Variants in F12 observed in about 807,000 individuals in gnomAD.
F12 encodes Hageman factor.
In F12, 70 loss-of-function variants were observed where a neutral mutation model predicts 74.8. The ratio of observed to expected loss-of-function variants is 0.94; its 90% CI spans 0.77 to 1.14. F12 has a LOEUF of 1.14. Ranked by LOEUF, F12 falls within the 50% of genes most tolerant of loss-of-function variation. The pLI is 0.00. For synonymous variants in F12, 373 were observed against 356.4 expected, an observed-to-expected ratio of 1.05 and a Z score of -0.52; for missense variants, 811 against 835.7, an observed-to-expected ratio of 0.97 and a Z score of 0.36.
rs1209557431 is a variant in F12 at position 177,404,495 on chromosome 5, G to A, written c.800+4C>T. 6.3e-7 allele frequency: 1 copy of A among 1,590,238 alleles called. No individual in the cohort carries two copies. The highest frequency in any genetic ancestry group is 1.8e-5 in the Admixed American group (1 of 56,352). On this transcript the variant is annotated splice_donor_region_variant and intron_variant, in intron 8 of 13. Coordinates refer to ENST00000253496, the MANE Select transcript of F12 (RefSeq NM_000505.4). The stretch of plus-strand genomic sequence containing the variant: ...GAGGGGTCACCCAGCCCCACGCGGC[G>A]CACCGGCAGAAGGCGTGGCCGCCCA...
In F12 at chr5:177,404,675, A is replaced by T. The variant is rs765775892; in HGVS notation, c.635-11T>A. The T allele has an allele frequency of 3.7e-6, 6 of 1,606,548 alleles. No homozygotes were observed. The African/African-American group carries it at 8.0e-5, about 21-fold the overall frequency. ...AGCTTGCCTTGGTGTCTGAGGAGAA[A>T]GGGGGCTCCCTGGGCAGCCAAGGCT... On this transcript the variant is annotated splice_polypyrimidine_tract_variant and intron_variant, in intron 7 of 13. Coordinates refer to ENST00000253496, the MANE Select transcript of F12 (RefSeq NM_000505.4).
intron 4 of F12, 84 bp downstream of exon 4, chr5:177,405,651 A>T: frequency 7.2e-7 from 1 of 1,397,790 alleles, no homozygotes; most frequent in Non-Finnish European, 1.0e-6. Context: ...CCAGAATCCC[A>T]GGTGTGTGGG....
intron 5 of F12, 60 bp downstream of exon 5, chr5:177,405,263 G>T (rs1023391513): frequency 6.2e-7 from 1 of 1,613,252 alleles, no homozygotes; most frequent in Non-Finnish European, 8.5e-7. Flanking sequence ...AACCTATTCT[G>T]TAGGCCCAGG....
Position 177,402,960 on chromosome 5 carries a change from A to G in F12, c.1532-262T>C, listed in dbSNP as rs568959530. The G allele has an allele frequency of 1.3e-4, 86 of 670,156 alleles. 1 individual carries two copies. In the South Asian group the frequency reaches 1.6e-3, roughly 12 times the overall value. 41.5% of individuals were successfully genotyped at this position (670,156 alleles called of 1,614,324 possible). ...CAGAGTCGCAGAACCTGGCTCCCAC[A>G]CTAGCCCGGAGCGCGGGGCCAGCGT... is the stretch of plus-strand genomic sequence containing the variant. On this transcript the variant is annotated intron_variant, in intron 12 of 13. Transcript: ENST00000253496.
chr5:177,403,720 C>A (rs1238648187), intron 10 of F12, 103 bp from the exon 11 acceptor site: 14 of 1,515,370 alleles, frequency 9.2e-6, no homozygotes, highest in Admixed American at 1.9e-5. Flanking sequence ...CAGCTTCCTC[C>A]CCGGGAGCTC....
rs1290304485 is a variant in F12 at position 177,409,126 on chromosome 5, G to C, written c.58-23C>G. 10 of 1,550,798 alleles carry C rather than the reference G, an allele frequency of 6.4e-6. No homozygotes were observed. The Admixed American group carries it at 2.0e-4, about 30-fold the overall frequency. On this transcript the variant is annotated intron_variant, in intron 1 of 13. Coordinates refer to ENST00000253496, the MANE Select transcript of F12 (RefSeq NM_000505.4). ...AATCTACAAGGGAGAGAAGAAGGCA[G>C]GGAACTGACTATAAGTCATAGCCTG...
In F12 at chr5:177,402,599, G is replaced by A. The variant is rs1000253382; in HGVS notation, c.1631C>T (p.Pro544Leu). 6 of 1,613,196 alleles carry A rather than the reference G, an allele frequency of 3.7e-6. No individual in the cohort carries two copies. The highest frequency in any genetic ancestry group is 4.2e-6 in the Non-Finnish European group (5 of 1,179,974). ...GAGGAACCCTGCGCAGAGCATGCCG[G>A]GGAGGATGGAGGATCCGTGCACGTC... ...APDVHGSSILPGMLCAGFLEG... is the reference protein window; with the variant it reads ...APDVHGSSILLGMLCAGFLEG... Residue 544 changes from proline (P) to leucine (L), a missense_variant, in exon 13 of 14, where the codon CCC becomes CTC. By Grantham distance (98) the Pro-to-Leu change is moderately conservative. Transcript: ENST00000253496.
chr5:177,402,659 A>G lies in F12; in HGVS notation c.1571T>C (p.Val524Ala). 3.7e-6 allele frequency: 6 copies of G among 1,612,638 alleles called. No homozygotes were observed. Among genetic ancestry groups the G allele is most frequent in the Non-Finnish European group, 5.1e-6 (6 of 1,180,000 alleles). ...EYASFLQEAQ[V>A]PFLSLERCSA... ...GCAGCGCTCCAGGGAGAGGAACGGTACCTGCGCCTCCTGCAGGAAGCTGGC... is the reference window on the plus strand; with the variant it reads ...GCAGCGCTCCAGGGAGAGGAACGGTGCCTGCGCCTCCTGCAGGAAGCTGGC... The change falls in exon 13 of 14, where the codon GTA (valine) becomes GCA (alanine). Residue 524 changes from valine (V) to alanine (A), a missense_variant. Coordinates refer to ENST00000253496, the MANE Select transcript of F12 (RefSeq NM_000505.4).
intron 2 of F12, among the ~76,000 whole-genome samples, chr5:177,407,251 A>G (rs571335120): frequency 2.6e-5 from 4 of 152,358 alleles, no homozygotes; most frequent in Admixed American, 6.5e-5. Flanking sequence ...TGCTAGTTCA[A>G]TGTTCACTGT....
intron 10 of F12, 62 bp from the exon 11 acceptor site, chr5:177,403,679 C>A (rs1763203147): frequency 6.4e-7 from 1 of 1,571,030 alleles, no homozygotes; most frequent in Non-Finnish European, 8.6e-7. Context: ...TCTGGGGAAG[C>A]CCCCTGCTCC....
At position 177,402,445 on chromosome 5, in the gene F12, G is replaced by C. The variant is rs747881523; in HGVS notation, c.1695C>G (p.Gly565=). 9.9e-6 allele frequency: 16 copies of C among 1,608,576 alleles called. No individual in the cohort carries two copies. The highest frequency in any genetic ancestry group is 3.4e-5 in the Admixed American group (2 of 59,404). ...CAGCTTGGTCCTCACACACCAGCGG[G>C]CCTCCGGAATCACCCTGGGTCGGAA... ...GTDACQGDSG[G]PLVCEDQAAE... Residue 565 remains glycine, a synonymous_variant, in exon 14 of 14, where the codon GGC becomes GGG. Coordinates refer to ENST00000253496, the MANE Select transcript of F12 (RefSeq NM_000505.4).
In F12 at chr5:177,404,089, G is replaced by A; in HGVS notation, c.1020C>T (p.Ala340=). The part of the protein sequence containing the change: ...RTPPQSQTPG[A]LPAKREQPPS... ...GCGGCTGCTCCCGCTTCGCCGGCAA[G>A]GCTGTGGAGGAGCAGGGGCTGAGGA... Residue 340 remains alanine, a splice_region_variant and synonymous_variant, in exon 10 of 14, where the codon GCC becomes GCT. Coordinates refer to ENST00000253496, the MANE Select transcript of F12 (RefSeq NM_000505.4). The A allele has an allele frequency of 6.2e-7, 1 of 1,602,444 alleles. No individual in the cohort carries two copies. The highest frequency in any genetic ancestry group is 8.5e-7 in the Non-Finnish European group (1 of 1,178,400).
At position 177,406,027 on chromosome 5, in the gene F12, G is replaced by A. The variant is rs754318630; in HGVS notation, c.150C>T (p.Pro50=). ...GGTACAGCTGCCGGTGGTACTGGAA[G>A]GGGAAGTGGCAGGGCTCCCCGGTGA... ...LTVTGEPCHF[P]FQYHRQLYHK... The change falls in exon 3 of 14, where the codon CCC becomes CCT. Residue 50 remains proline, a synonymous_variant. Coordinates refer to ENST00000253496, the MANE Select transcript of F12 (RefSeq NM_000505.4). 7 of 1,614,106 alleles carry A rather than the reference G, an allele frequency of 4.3e-6. No individual in the cohort carries two copies. Among genetic ancestry groups the A allele is most frequent in the Non-Finnish European group, 5.9e-6 (7 of 1,180,022 alleles).
rs943883696 is a variant in F12, at chr5:177,404,176, T to C, written c.1018+20A>G. The C allele has an allele frequency of 1.3e-4, 199 of 1,571,522 alleles. No individual in the cohort carries two copies. Among genetic ancestry groups the C allele is most frequent in the African/African-American group, 3.1e-4 (23 of 73,676 alleles). Reference sequence around the variant, plus strand: ...GCCCGGCGCCCTCTCGGCTCCTCCTTCCCCCCCCCACTTCCTAACCTCCCG... The same window carrying C: ...GCCCGGCGCCCTCTCGGCTCCTCCTCCCCCCCCCCACTTCCTAACCTCCCG... On this transcript the variant is annotated intron_variant, in intron 9 of 13. Transcript: ENST00000253496.
rs1382858701 is a variant in F12, at chr5:177,404,488, A to T, written c.800+11T>A. The stretch of plus-strand genomic sequence containing the variant: ...TGGGGCGGAGGGGTCACCCAGCCCC[A>T]CGCGGCGCACCGGCAGAAGGCGTGG... On this transcript the variant is annotated intron_variant, in intron 8 of 13. Coordinates refer to ENST00000253496, the MANE Select transcript of F12 (RefSeq NM_000505.4). 6.3e-7 allele frequency: 1 copy of T among 1,590,780 alleles called. No individual in the cohort carries two copies. Among genetic ancestry groups the T allele is most frequent in the Admixed American group, 1.8e-5 (1 of 56,406 alleles).
intron 2 of F12, among the ~76,000 whole-genome samples, chr5:177,407,304 G>A (rs1763315810): frequency 6.6e-6 from 1 of 152,216 alleles, no homozygotes; most frequent in African/African-American, 2.4e-5. Context: ...AGAATTGCCT[G>A]TGTCTTCTTC....
chr5:177,402,727 C>G, intron 12 of F12, 29 bp from the exon 13 acceptor site: 1 of 1,610,036 alleles, frequency 6.2e-7, no homozygotes, highest in Non-Finnish European at 8.5e-7. Context: ...TTCTTCACAC[C>G]CCATCTGACA....
At position 177,404,016 on chromosome 5, in the gene F12, T is replaced by A. The variant is rs763865751; in HGVS notation, c.1093A>T (p.Lys365Ter). The change falls in exon 10 of 14, where the codon AAG becomes TAG. Residue 365 changes from lysine to a stop codon, truncating the protein, a stop_gained. Coordinates refer to ENST00000253496, the MANE Select transcript of F12 (RefSeq NM_000505.4). LOFTEE classifies it high-confidence loss of function. ...ACGCGGGTCATCGAAGACAGACTCT[T>A]GCGGAGCCGCTGCCCGCAGCTCAGT... ...GPLSCGQRLR[K>*]SLSSMTRVVG... The A allele has an allele frequency of 2.5e-6, 4 of 1,601,978 alleles. No homozygotes were observed.
rs1439995892 is a variant in F12, at chr5:177,403,960, C to T, written c.1149G>A (p.Ala383=). Residue 383 remains alanine (A), a synonymous_variant, in exon 10 of 14, where the codon GCG becomes GCA. Transcript: ENST00000253496. Reference sequence around the variant, plus strand: ...AGTACAGCGCGGCGATGTAGGGGTGCGCCCCGCGTAGCGCCACCAGCCCGC... The same window carrying T: ...AGTACAGCGCGGCGATGTAGGGGTGTGCCCCGCGTAGCGCCACCAGCCCGC... The part of the protein sequence containing the change: ...VVGGLVALRG[A]HPYIAALYWG... 1 of 1,601,654 alleles carries T rather than the reference C, an allele frequency of 6.2e-7. No individual in the cohort carries two copies. Among genetic ancestry groups the T allele is most frequent in the Non-Finnish European group, 8.5e-7 (1 of 1,178,746 alleles).
Sources: gnomAD v4.1 joint callset for allele counts (sites outside exome capture counted in the v4.1 genomes callset) on GRCh38, gnomAD v4.1.1 for gene constraint, MANE v1.5 for transcripts, NCBI Gene and HGNC (gene_info 2026-07-23, HGNC 2026-07-21) for gene names.